Variants in MRTFA observed in about 807,000 individuals in gnomAD.
MRTFA encodes myocardin related transcription factor A.
MRTFA carries 20 observed loss-of-function variants against 83.5 expected under a neutral mutation model. The ratio of observed to expected loss-of-function variants is 0.24; its 90% CI spans 0.17 to 0.35. The LOEUF (loss-of-function observed/expected upper bound fraction) is 0.35. Among genes scored for constraint, MRTFA ranks in the 10% least tolerant of loss-of-function variants. The pLI, the probability that MRTFA is intolerant of heterozygous loss-of-function variation, is 1.00. For missense variants in MRTFA, 1,200 were observed against 1,224.7 expected (o/e 0.98, Z 0.30); for synonymous variants, 659 against 541.2 (o/e 1.22, Z -3.02).
At chr22:40,449,792 G>A (rs185701509) in intron 4 of MRTFA, among the ~76,000 whole-genome samples, 1 of 152,332 alleles carries the variant, frequency 6.6e-6, no homozygotes. Context: ...CAGGATCATT[G>A]CAATGCATAT....
intron 3 of MRTFA, among the ~76,000 whole-genome samples, chr22:40,535,971 A>C (rs543960621): frequency 6.6e-6 from 1 of 152,242 alleles, no homozygotes; most frequent in African/African-American, 2.4e-5. Context: ...TGGCACTTTG[A>C]GGTAAAAAGA....
At chr22:40,412,135 C>T (rs2052565825) in intron 14 of MRTFA, 1 of 383,040 alleles carries the variant, frequency 2.6e-6, no homozygotes, top group South Asian at 1.4e-4. Context: ...TTCTAAAACT[C>T]AACAACAAAA....
intron 3 of MRTFA, among the ~76,000 whole-genome samples, chr22:40,497,401 G>A (rs1241230596): frequency 6.6e-6 from 1 of 152,232 alleles, no homozygotes; most frequent in Non-Finnish European, 1.5e-5. Context: ...GGACAGCAGT[G>A]TGGAAACAAG....
chr22:40,575,098 T>G (rs944398171), intron 2 of MRTFA, among the ~76,000 whole-genome samples: 1 of 152,242 alleles, frequency 6.6e-6, no homozygotes. Context: ...ATTTAGGTGA[T>G]GAGAGCTTAA....
intron 1 of MRTFA, among the ~76,000 whole-genome samples, chr22:40,599,903 T>TAAAAA (rs61576273): frequency 8.1e-6 from 1 of 123,416 alleles, no homozygotes; most frequent in Admixed American, 8.9e-5. Context: ...GCTGTGTCTT[T>TAAAAA]AAAAAAAAAA....
At chr22:40,512,178 G>A (rs933504502) in intron 3 of MRTFA, among the ~76,000 whole-genome samples, 1 of 152,144 alleles carries the variant, frequency 6.6e-6, no homozygotes, top group African/African-American at 2.4e-5. Context: ...TAAATAAACT[G>A]AGGCTAAAAG....
chr22:40,624,749 T>G (rs757994520), intron 1 of MRTFA, among the ~76,000 whole-genome samples: 1 of 152,210 alleles, frequency 6.6e-6, no homozygotes, highest in Non-Finnish European at 1.5e-5. Context: ...TCAGCGTTAT[T>G]TGGGAAGCCA....
intron 7 of MRTFA, among the ~76,000 whole-genome samples, chr22:40,426,858 T>C (rs1053473033): frequency 1.3e-5 from 2 of 152,138 alleles, no homozygotes; most frequent in Non-Finnish European, 2.9e-5. Context: ...GCAGCAACCA[T>C]TGTGTGAGTC....
At chr22:40,614,167 ACT>A (rs1227953303) in intron 1 of MRTFA, among the ~76,000 whole-genome samples, 1 of 151,864 alleles carries the variant, frequency 6.6e-6, no homozygotes, top group Admixed American at 6.6e-5. Context: ...ACACCATTGT[ACT>A]CCAGCCTGGG....
At chr22:40,480,735 G>A (rs553572336) in intron 3 of MRTFA, among the ~76,000 whole-genome samples, 2 of 142,730 alleles carry the variant, frequency 1.4e-5, no homozygotes, top group South Asian at 2.2e-4. Flanking sequence ...ACGCCCAGGA[G>A]TTCAAGACTT....
intron 3 of MRTFA, among the ~76,000 whole-genome samples, chr22:40,520,477 G>A (rs148961915): frequency 0.011 from 1,666 of 151,922 alleles, 19 homozygotes; most frequent in South Asian, 0.034. Flanking sequence ...CTTGATCCCC[G>A]TTCACTGCAA....
intron 2 of MRTFA, among the ~76,000 whole-genome samples, chr22:40,584,850 C>T (rs1911919461): frequency 6.6e-6 from 1 of 151,868 alleles, no homozygotes; most frequent in Non-Finnish European, 1.5e-5. Context: ...TTAGGACCGG[C>T]CTAGCCAACA....
intron 7 of MRTFA, among the ~76,000 whole-genome samples, chr22:40,426,806 C>A (rs932324402): frequency 1.4e-4 from 21 of 152,246 alleles, no homozygotes; most frequent in African/African-American, 5.1e-4. Flanking sequence ...TCCATTACAG[C>A]AGCTGCCAGC....
chr22:40,463,125 C>A (rs1191148380), intron 4 of MRTFA, 96 bp downstream of exon 4: 1 of 1,067,134 alleles, frequency 9.4e-7, no homozygotes, highest in Admixed American at 1.9e-5. Context: ...AACGCATCAT[C>A]CTTGTTTTAT....
At chr22:40,630,050 T>C (rs1261826513) in intron 1 of MRTFA, among the ~76,000 whole-genome samples, 1 of 151,840 alleles carries the variant, frequency 6.6e-6, no homozygotes, top group African/African-American at 2.4e-5. Context: ...CGGTGGCTCA[T>C]GCTTATCATC....
At chr22:40,590,722 T>C (rs992750334) in intron 2 of MRTFA, among the ~76,000 whole-genome samples, 1 of 150,174 alleles carries the variant, frequency 6.7e-6, no homozygotes, top group African/African-American at 2.5e-5. Context: ...TATGACAATA[T>C]TCACATCTTT....
chr22:40,417,720 A>G, intron 12 of MRTFA: 1 of 544,712 alleles, frequency 1.8e-6, no homozygotes, highest in Non-Finnish European at 3.3e-6. Flanking sequence ...GAGGTTTGGG[A>G]GAGGTCTCTG....
Position 40,545,472 on chromosome 22 carries a change from C to T in MRTFA, c.241+6634G>A, listed in dbSNP as rs577400060. ...TGAGATGAAGTCTTGCTCTTGTTCC[C>T]CAGGCTGGAGTGCAGTGGCGCTATC... On this transcript the variant is annotated intron_variant, in intron 3 of 14. Coordinates refer to ENST00000355630, the MANE Select transcript of MRTFA (RefSeq NM_020831.6). 4.3e-3 allele frequency among the ~76,000 whole-genome samples: 658 copies of T among 152,100 alleles called. 4 individuals are homozygous for T. The highest frequency in any genetic ancestry group is 7.0e-3 in the Non-Finnish European group (476 of 67,994).
intron 2 of MRTFA, among the ~76,000 whole-genome samples, chr22:40,555,346 TG>T (rs773166541): frequency 2.6e-5 from 4 of 152,148 alleles, no homozygotes; most frequent in Non-Finnish European, 5.9e-5. Context: ...ATTTGAGTCA[TG>T]GGGGCAGATC....
Sources: gnomAD v4.1 joint callset for allele counts (sites outside exome capture counted in the v4.1 genomes callset) on GRCh38, gnomAD v4.1.1 for gene constraint, MANE v1.5 for transcripts, NCBI Gene and HGNC (gene_info 2026-07-23, HGNC 2026-07-21) for gene names.